TACR3: variants seen among roughly 807,000 people sequenced by gnomAD.
The protein encoded by TACR3 is tachykinin receptor 3, also known as neuromedin-K receptor.
Under a neutral mutation model 35.0 loss-of-function variants are expected in TACR3, and 34 were observed. The ratio of observed to expected loss-of-function variants is 0.97; its 90% CI spans 0.74 to 1.30. The LOEUF (loss-of-function observed/expected upper bound fraction) is 1.30, where lower values mean the gene tolerates loss of function less well. TACR3 is among the 50% of genes most tolerant of loss of function. The probability of loss-of-function intolerance (pLI) is 0.00; values close to 1 mark genes in which losing one functional copy is unlikely to be tolerated. For missense variants in TACR3, 558 were observed against 591.7 expected, an observed-to-expected ratio of 0.94 and a Z score of 0.59; for synonymous variants, 233 against 221.1, an observed-to-expected ratio of 1.05 and a Z score of -0.48.
At chr4:103,604,608 T>C (rs148093145) in intron 3 of TACR3, among the ~76,000 whole-genome samples, 355 of 152,150 alleles carry the variant, frequency 2.3e-3, no homozygotes, top group African/African-American at 8.1e-3. Context: ...AGGCAACTTA[T>C]AGAATGGGAG....
At chr4:103,692,390 C>T (rs1051897466) in intron 1 of TACR3, among the ~76,000 whole-genome samples, 1 of 152,150 alleles carries the variant, frequency 6.6e-6, no homozygotes, top group Non-Finnish European at 1.5e-5. Flanking sequence ...TTTTAATTAA[C>T]ATTGCTTCAA....
At chr4:103,708,858 T>G (rs111437601) in intron 1 of TACR3, among the ~76,000 whole-genome samples, 6,161 of 152,212 alleles carry the variant, frequency 0.04, 407 homozygotes, top group African/African-American at 0.14. Flanking sequence ...ATGTGACAAA[T>G]GCACAAGCTT....
chr4:103,658,337 T>C lies in TACR3; in HGVS notation c.615A>G (p.Gly205=). 6.2e-7 allele frequency: 1 copy of C among 1,613,900 alleles called. No individual in the cohort carries two copies. Among genetic ancestry groups the C allele is most frequent in the African/African-American group, 1.3e-5 (1 of 75,028 alleles). ...GTAGAAATGCTAGAATCCAAATACT[T>C]CCAATGACAATCTTGGTTGCTGTAG... ...LSATATKIVI[G]SIWILAFLLA... The change falls in exon 2 of 5, where the codon GGA becomes GGG. Residue 205 remains glycine (G), a synonymous_variant. Transcript: ENST00000304883.
chr4:103,604,896 T>C (rs1724311929), intron 3 of TACR3, among the ~76,000 whole-genome samples: 1 of 151,090 alleles, frequency 6.6e-6, no homozygotes, highest in Non-Finnish European at 1.5e-5. Flanking sequence ...TAGTTACATA[T>C]GTATACATGT....
chr4:103,601,057 A>G (rs142914903), intron 3 of TACR3, among the ~76,000 whole-genome samples: 2,609 of 152,006 alleles, frequency 0.017, 72 homozygotes, highest in African/African-American at 0.061. Context: ...TGACAGTGGG[A>G]TGTTAAAGTC....
rs1394238270 is a variant in TACR3, at chr4:103,637,936, AG to A, written c.888+18257del. On this transcript the variant is annotated intron_variant, in intron 3 of 4. Transcript: ENST00000304883. ...ACAAACCACTGCTCAATGAAATAAA[AG>A]GGGGATACAAACAAATGGAAGAATA... 8.6e-3 allele frequency among the ~76,000 whole-genome samples: 1,310 copies of A among 152,188 alleles called. 20 individuals are homozygous for A. Among genetic ancestry groups the A allele is most frequent in the African/African-American group, 0.03 (1,227 of 41,516 alleles).
chr4:103,621,545 A>G (rs935045996), intron 3 of TACR3, among the ~76,000 whole-genome samples: 3 of 152,252 alleles, frequency 2.0e-5, no homozygotes, highest in Non-Finnish European at 4.4e-5. Flanking sequence ...CTAAACAAGA[A>G]TGGAGAAAAG....
chr4:103,601,934 C>T (rs1033963794), intron 3 of TACR3, among the ~76,000 whole-genome samples: 1 of 152,122 alleles, frequency 6.6e-6, no homozygotes, highest in Non-Finnish European at 1.5e-5. Context: ...TGTTGGCCTG[C>T]TTTGCTAGAT....
intron 1 of TACR3, among the ~76,000 whole-genome samples, chr4:103,686,736 C>A (rs1333611709): frequency 6.6e-6 from 1 of 152,076 alleles, no homozygotes; most frequent in Non-Finnish European, 1.5e-5. Flanking sequence ...GATTTCAATG[C>A]AGCCACCATT....
chr4:103,714,945 T>A (rs1905173), intron 1 of TACR3, among the ~76,000 whole-genome samples: 17,776 of 152,146 alleles, frequency 0.12, 1,357 homozygotes, highest in East Asian at 0.37. Flanking sequence ...TAGGTTTATG[T>A]AAAAGTGAAA....
intron 1 of TACR3, among the ~76,000 whole-genome samples, chr4:103,702,589 C>G (rs1195310785): frequency 2.6e-5 from 4 of 151,980 alleles, no homozygotes; most frequent in Admixed American, 6.6e-5. Flanking sequence ...CTGCTATAAA[C>G]ACACATGCAC....
intron 3 of TACR3, among the ~76,000 whole-genome samples, chr4:103,634,929 G>A (rs747152903): frequency 6.6e-6 from 1 of 152,018 alleles, no homozygotes; most frequent in Non-Finnish European, 1.5e-5. Context: ...CTAATCCAGA[G>A]CATTGTTGGG....
At position 103,599,904 on chromosome 4, in the gene TACR3, G is replaced by A. The variant is rs1037585532; in HGVS notation, c.889-8221C>T. Among the ~76,000 whole-genome samples, 35 of 152,228 alleles carry A rather than the reference G, an allele frequency of 2.3e-4. 1 individual carries two copies. Among genetic ancestry groups the A allele is most frequent in the Admixed American group, 1.9e-3 (29 of 15,282 alleles). On this transcript the variant is annotated intron_variant, in intron 3 of 4. Coordinates refer to ENST00000304883, the MANE Select transcript of TACR3 (RefSeq NM_001059.3). ...GCATCAATGTTCATCAAGGATATTG[G>A]TCTAAAATTCTCTTTTTTGGTTGTG...
intron 3 of TACR3, among the ~76,000 whole-genome samples, chr4:103,607,930 T>G (rs1256036014): frequency 6.6e-6 from 1 of 152,050 alleles, no homozygotes; most frequent in Non-Finnish European, 1.5e-5. Flanking sequence ...TTGCTCAAAG[T>G]TTTAGTAAGA....
intron 3 of TACR3, among the ~76,000 whole-genome samples, chr4:103,617,884 G>T (rs1724695858): frequency 6.6e-6 from 1 of 152,064 alleles, no homozygotes. Context: ...CATTTTGAAA[G>T]AATATGTGTT....
At chr4:103,704,261 G>C (rs1463788014) in intron 1 of TACR3, among the ~76,000 whole-genome samples, 1 of 152,094 alleles carries the variant, frequency 6.6e-6, no homozygotes. Context: ...TGTAACTTGT[G>C]AATCTTGCAG....
chr4:103,674,223 A>G (rs79147116), intron 1 of TACR3, among the ~76,000 whole-genome samples: 6,457 of 152,226 alleles, frequency 0.042, 160 homozygotes, highest in Non-Finnish European at 0.049. Flanking sequence ...TTATGAGTAA[A>G]AACTCAGATT....
chr4:103,679,521 G>A (rs1726242968), intron 1 of TACR3, among the ~76,000 whole-genome samples: 1 of 151,920 alleles, frequency 6.6e-6, no homozygotes, highest in Non-Finnish European at 1.5e-5. Flanking sequence ...CACATCAGAT[G>A]TCCTTTCATT....
chr4:103,627,221 T>C lies in TACR3; in HGVS notation c.888+28973A>G, dbSNP rs891313996. 2.9e-5 allele frequency among the ~76,000 whole-genome samples: 4 copies of C among 139,048 alleles called. No individual in the cohort carries two copies. The East Asian group carries it at 8.9e-4, about 31-fold the overall frequency. 91.2% of individuals were successfully genotyped at this position (139,048 alleles called of 152,430 possible). A position where few individuals can be genotyped will look rare whatever the true frequency, so the allele number is the denominator to read the frequency against. On this transcript the variant is annotated intron_variant, in intron 3 of 4. Transcript: ENST00000304883. The stretch of plus-strand genomic sequence containing the variant: ...AAAAAAAAAAAAAAAGTCTAGGTAT[T>C]AAAGTTGTGCTAATTCTTCCTTGGT...
Sources: gnomAD v4.1 joint callset for allele counts (sites outside exome capture counted in the v4.1 genomes callset) on GRCh38, gnomAD v4.1.1 for gene constraint, MANE v1.5 for transcripts, NCBI Gene and HGNC (gene_info 2026-07-23, HGNC 2026-07-21) for gene names.